Variants in CAMTA1 observed in about 807,000 individuals in gnomAD.
CAMTA1 encodes the protein calmodulin binding transcription activator 1.
A neutral mutation model predicts 170.9 loss-of-function variants in CAMTA1; 27 were observed. The ratio of observed to expected loss-of-function variants is 0.16; its 90% CI spans 0.12 to 0.22. The LOEUF (loss-of-function observed/expected upper bound fraction) is 0.22, where lower values mean the gene tolerates loss of function less well. Ranked by LOEUF, CAMTA1 falls within the 10% of genes least tolerant of loss-of-function variation. The pLI is 1.00. For missense variants in CAMTA1, 1,619 were observed against 2,217.2 expected (o/e 0.73, Z 5.42); for synonymous variants, 833 against 891.5 (o/e 0.93, Z 1.17).
At chr1:6,914,367 G>A (rs968765418) in intron 3 of CAMTA1, among the ~76,000 whole-genome samples, 10 of 152,200 alleles carry the variant, frequency 6.6e-5, no homozygotes, top group Non-Finnish European at 1.5e-4. Flanking sequence ...CTCCCAGAGT[G>A]CTGGGATTAC....
At position 7,588,461 on chromosome 1, in the gene CAMTA1, C is replaced by CA. The variant is rs1174748358; in HGVS notation, c.511-51935dup. Among the ~76,000 whole-genome samples the CA allele has an allele frequency of 6.6e-6, 1 of 152,216 alleles. No homozygotes were observed. Among genetic ancestry groups the CA allele is most frequent in the East Asian group, 1.9e-4 (1 of 5,188 alleles). On this transcript the variant is annotated intron_variant, in intron 6 of 22. Coordinates refer to ENST00000303635, the MANE Select transcript of CAMTA1 (RefSeq NM_015215.4). This position sits in a 1 kb window ranked among gnomAD's most constrained non-coding sequence, Gnocchi z 5.8. ...AACGCCTCTGCAAGCATCGTTTTAT[C>CA]AAAACCCTCACCATTGCCATCACCA...
chr1:7,104,187 A>G (rs1643305302), intron 4 of CAMTA1, among the ~76,000 whole-genome samples: 1 of 151,138 alleles, frequency 6.6e-6, no homozygotes, highest in Non-Finnish European at 1.5e-5. Flanking sequence ...TACACACAAC[A>G]CACATGCACA....
intron 4 of CAMTA1, among the ~76,000 whole-genome samples, chr1:7,245,062 A>G (rs1455174126): frequency 1.3e-5 from 2 of 151,730 alleles, no homozygotes; most frequent in Non-Finnish European, 2.9e-5. Context: ...GGTTTTGGGA[A>G]TTTCTTGTTA....
intron 11 of CAMTA1, among the ~76,000 whole-genome samples, chr1:7,705,727 G>C (rs748672261): frequency 4.6e-5 from 7 of 152,192 alleles, no homozygotes; most frequent in Non-Finnish European, 1.0e-4. Flanking sequence ...CAGCGGGTGC[G>C]GGATCGGGCG....
chr1:6,981,974 C>T (rs973700471), intron 3 of CAMTA1, among the ~76,000 whole-genome samples: 4 of 152,190 alleles, frequency 2.6e-5, no homozygotes, highest in Admixed American at 6.5e-5. Context: ...CAGTGATCCT[C>T]CTGCCTCAGC....
chr1:7,662,426 T>A (rs1396557093), intron 8 of CAMTA1, among the ~76,000 whole-genome samples: 1 of 152,016 alleles, frequency 6.6e-6, no homozygotes, highest in Non-Finnish European at 1.5e-5. Flanking sequence ...CATTAGAGGG[T>A]CGTGTCACTT....
chr1:7,114,583 G>A (rs1021225305), intron 4 of CAMTA1, among the ~76,000 whole-genome samples: 10 of 152,216 alleles, frequency 6.6e-5, no homozygotes, highest in African/African-American at 2.4e-4. Flanking sequence ...GCTTGACATA[G>A]GCAAAGAGAT....
chr1:7,209,423 C>T (rs1231571340), intron 4 of CAMTA1, among the ~76,000 whole-genome samples: 1 of 152,132 alleles, frequency 6.6e-6, no homozygotes, highest in Admixed American at 6.5e-5. Flanking sequence ...GGGGTTGATT[C>T]ATATCTGAGG....
rs541557166 is a variant in CAMTA1 at position 7,092,288 on chromosome 1, G to A, written c.302+917G>A. ...CCCAGGTTTGTTAGGACCAGGGAAGGGTTGAGTGTGTCCTCTGTGCCCGTG... is the reference window on the plus strand; with the variant it reads ...CCCAGGTTTGTTAGGACCAGGGAAGAGTTGAGTGTGTCCTCTGTGCCCGTG... On this transcript the variant is annotated intron_variant, in intron 4 of 22. Transcript: ENST00000303635. This position sits in a 1 kb window ranked among gnomAD's most constrained non-coding sequence, Gnocchi z 5.0. 9.8e-4 allele frequency among the ~76,000 whole-genome samples: 150 copies of A among 152,300 alleles called. 1 individual carries two copies. The highest frequency in any genetic ancestry group is 3.5e-3 in the African/African-American group (147 of 41,554).
chr1:6,848,938 G>A (rs1215828103), intron 3 of CAMTA1, among the ~76,000 whole-genome samples: 2 of 152,146 alleles, frequency 1.3e-5, no homozygotes, highest in Admixed American at 6.5e-5. Flanking sequence ...ATAAATGGAA[G>A]CTGTATATTT....
intron 11 of CAMTA1, among the ~76,000 whole-genome samples, chr1:7,712,761 G>A: frequency 6.6e-6 from 1 of 152,188 alleles, no homozygotes; most frequent in East Asian, 1.9e-4. Context: ...AATTTGTAGA[G>A]AAAAAGAGGT....
intron 11 of CAMTA1, among the ~76,000 whole-genome samples, chr1:7,708,245 C>T (rs1160070587): frequency 3.9e-5 from 6 of 152,106 alleles, no homozygotes; most frequent in Non-Finnish European, 7.3e-5. Context: ...GTGGGAGGAT[C>T]GCCTGAGCCT....
At chr1:7,382,875 T>G (rs1004872852) in intron 5 of CAMTA1, among the ~76,000 whole-genome samples, 2 of 124,494 alleles carry the variant, frequency 1.6e-5, no homozygotes, top group Admixed American at 8.0e-5. Flanking sequence ...TAGATAGATA[T>G]TCCTATAGCC....
At chr1:6,817,068 CAT>C (rs752107985) in intron 1 of CAMTA1, among the ~76,000 whole-genome samples, 2 of 152,222 alleles carry the variant, frequency 1.3e-5, no homozygotes, top group South Asian at 4.1e-4. Context: ...ATTTCTGTGT[CAT>C]ATGTTATTTT....
At chr1:6,860,158 A>C (rs1243946898) in intron 3 of CAMTA1, among the ~76,000 whole-genome samples, 2 of 152,082 alleles carry the variant, frequency 1.3e-5, no homozygotes, top group Non-Finnish European at 1.5e-5. Flanking sequence ...TAGTTTTCTT[A>C]ACTCATTATG....
chr1:7,364,979 T>C (rs2085854259), intron 5 of CAMTA1, among the ~76,000 whole-genome samples: 1 of 152,236 alleles, frequency 6.6e-6, no homozygotes, highest in South Asian at 2.1e-4. Flanking sequence ...GTGGATGTCC[T>C]TAGGCTCGGT....
At chr1:7,118,644 CTG>C (rs1362082377) in intron 4 of CAMTA1, among the ~76,000 whole-genome samples, 1 of 152,002 alleles carries the variant, frequency 6.6e-6, no homozygotes, top group Non-Finnish European at 1.5e-5. Context: ...ATGTTTATGA[CTG>C]TGTCTCTACA....
At chr1:7,187,454 A>G (rs921448552) in intron 4 of CAMTA1, among the ~76,000 whole-genome samples, 5 of 152,162 alleles carry the variant, frequency 3.3e-5, no homozygotes, top group African/African-American at 1.2e-4. Flanking sequence ...TTACTTAACA[A>G]AATAAAAAGT....
At chr1:7,049,933 G>A (rs917784307) in intron 3 of CAMTA1, among the ~76,000 whole-genome samples, 1 of 152,176 alleles carries the variant, frequency 6.6e-6, no homozygotes, top group East Asian at 1.9e-4. Context: ...GGAGGGCATC[G>A]GGGGATCCTC....
Sources: allele counts gnomAD v4.1 joint callset (sites outside exome capture counted in the v4.1 genomes callset), GRCh38; gene constraint gnomAD v4.1.1; non-coding constraint Gnocchi (gnomAD v3.1); transcripts MANE v1.5; gene names NCBI Gene and HGNC (gene_info 2026-07-23, HGNC 2026-07-21).